Variants in VPS8 observed in about 807,000 individuals in gnomAD.
VPS8 encodes the protein vacuolar protein sorting-associated protein 8 homolog.
Under a neutral mutation model 216.4 loss-of-function variants are expected in VPS8, and 129 were observed. The ratio of observed to expected loss-of-function variants is 0.60; its 90% CI spans 0.52 to 0.69. VPS8 has a LOEUF of 0.69. Ranked by LOEUF, VPS8 falls within the 30% of genes least tolerant of loss-of-function variation. The pLI is 0.00. For missense variants in VPS8, 1,531 were observed against 1,683.5 expected, an observed-to-expected ratio of 0.91 and a Z score of 1.59; for synonymous variants, 571 against 565.4, an observed-to-expected ratio of 1.01 and a Z score of -0.14.
In VPS8 at chr3:185,001,147, T is replaced by C. The variant is rs141760926; in HGVS notation, c.4002+1286T>C. Among the ~76,000 whole-genome samples, 25 of 152,342 alleles carry C rather than the reference T, an allele frequency of 1.6e-4. No homozygotes were observed. The East Asian group carries it at 4.6e-3, about 28-fold the overall frequency. On this transcript the variant is annotated intron_variant, in intron 45 of 47. Coordinates refer to ENST00000625842, the MANE Select transcript of VPS8 (RefSeq NM_001009921.3). Reference sequence around the variant, plus strand: ...TCAGAGTATACAGTCAACAAACTTATAAAAGGATTTTTAACAGAGTACTCT... The same window carrying C: ...TCAGAGTATACAGTCAACAAACTTACAAAAGGATTTTTAACAGAGTACTCT...
At chr3:184,830,072 C>T (rs1362221967) in intron 3 of VPS8, among the ~76,000 whole-genome samples, 1 of 152,010 alleles carries the variant, frequency 6.6e-6, no homozygotes, top group Non-Finnish European at 1.5e-5. Context: ...AAAATTTTTC[C>T]AATTCTGATG....
At chr3:184,948,808 G>A (rs953884855) in intron 36 of VPS8, among the ~76,000 whole-genome samples, 12 of 152,060 alleles carry the variant, frequency 7.9e-5, no homozygotes, top group African/African-American at 2.4e-4. Context: ...CTGAAAATAC[G>A]ACATCCCAGC....
At chr3:184,929,041 T>C (rs1040476083) in intron 32 of VPS8, among the ~76,000 whole-genome samples, 1 of 152,226 alleles carries the variant, frequency 6.6e-6, no homozygotes, top group Non-Finnish European at 1.5e-5. Context: ...ATTGTTTTAG[T>C]ATTTCCTTTG....
At position 184,920,217 on chromosome 3, in the gene VPS8, C is replaced by T. The variant is rs1261005724; in HGVS notation, c.2454+19C>T. 1 of 1,459,358 alleles carries T rather than the reference C, an allele frequency of 6.9e-7. No individual in the cohort carries two copies. The highest frequency in any genetic ancestry group is 9.2e-7 in the Non-Finnish European group (1 of 1,087,220). 90.4% of individuals were successfully genotyped at this position (1,459,358 alleles called of 1,614,324 possible). ...GTTGAAAGTAAGTATTCAAAGAATA[C>T]ATGTCTTTATATTGATATTTATATT... On this transcript the variant is annotated intron_variant, in intron 29 of 47. Transcript: ENST00000625842.
chr3:184,857,626 A>G (rs1162819426), intron 14 of VPS8, among the ~76,000 whole-genome samples: 1 of 152,158 alleles, frequency 6.6e-6, no homozygotes, highest in African/African-American at 2.4e-5. Flanking sequence ...TCTTTTTGCT[A>G]CTTCAAGACT....
Position 184,930,462 on chromosome 3 carries a change from C to G in VPS8, c.2800-8C>G. ...AATGAATAAATTATATTGTCTTGTG[C>G]TCTTCAGGAAGAAGTCTTTAATTAC... On this transcript the variant is annotated splice_polypyrimidine_tract_variant and splice_region_variant and intron_variant, in intron 33 of 47. Coordinates refer to ENST00000625842, the MANE Select transcript of VPS8 (RefSeq NM_001009921.3). 6.3e-7 allele frequency: 1 copy of G among 1,595,012 alleles called. No individual in the cohort carries two copies.
chr3:184,959,024 C>G (rs1047793620), intron 37 of VPS8, among the ~76,000 whole-genome samples: 1 of 152,098 alleles, frequency 6.6e-6, no homozygotes, highest in African/African-American at 2.4e-5. Context: ...CAGAGTAGAC[C>G]TTTAAAAGTC....
intron 3 of VPS8, among the ~76,000 whole-genome samples, chr3:184,831,017 A>C (rs1382506502): frequency 2.6e-5 from 4 of 152,200 alleles, no homozygotes; most frequent in Non-Finnish European, 5.9e-5. Context: ...TAGGAAGAGA[A>C]GATGAGAGCT....
intron 40 of VPS8, among the ~76,000 whole-genome samples, chr3:184,976,005 C>G (rs190308436): frequency 6.6e-6 from 1 of 152,230 alleles, no homozygotes; most frequent in African/African-American, 2.4e-5. Context: ...TCCTCATTCC[C>G]CCTCTTGTAT....
intron 36 of VPS8, among the ~76,000 whole-genome samples, chr3:184,957,110 A>G (rs1223900644): frequency 1.3e-5 from 2 of 152,216 alleles, no homozygotes; most frequent in Admixed American, 6.5e-5. Context: ...AACTTTTGGT[A>G]TGATTTAGAA....
intron 36 of VPS8, among the ~76,000 whole-genome samples, chr3:184,954,312 T>C (rs1745210812): frequency 6.6e-6 from 1 of 152,172 alleles, no homozygotes; most frequent in African/African-American, 2.4e-5. Flanking sequence ...GGCTTTATTA[T>C]GTAGACGTGA....
intron 46 of VPS8, among the ~76,000 whole-genome samples, chr3:185,032,759 G>A (rs1439234930): frequency 3.9e-5 from 6 of 151,948 alleles, no homozygotes; most frequent in Non-Finnish European, 7.4e-5. Flanking sequence ...TCCGCCTCCC[G>A]GGTTCATGGC....
chr3:184,871,308 G>C (rs116536190), intron 21 of VPS8, among the ~76,000 whole-genome samples: 11 of 144,018 alleles, frequency 7.6e-5, no homozygotes, highest in African/African-American at 2.9e-4. Context: ...CAATGTAGAC[G>C]TGTATGTATT....
At chr3:184,948,304 G>T (rs908676239) in intron 36 of VPS8, among the ~76,000 whole-genome samples, 1 of 150,584 alleles carries the variant, frequency 6.6e-6, no homozygotes, top group African/African-American at 2.4e-5. Context: ...TACAGGCCAA[G>T]AATTCAAGAC....
intron 38 of VPS8, among the ~76,000 whole-genome samples, chr3:184,966,180 T>G (rs1747379209): frequency 6.6e-6 from 1 of 151,582 alleles, no homozygotes; most frequent in South Asian, 2.1e-4. Flanking sequence ...AAGAGTGGGG[T>G]TGGGGGAGGA....
At chr3:184,835,964 C>T (rs1721007763) in intron 5 of VPS8, among the ~76,000 whole-genome samples, 1 of 152,104 alleles carries the variant, frequency 6.6e-6, no homozygotes, top group South Asian at 2.1e-4. Context: ...CCGCCTCAGC[C>T]TCCCAAAGTG....
At position 184,940,191 on chromosome 3, in the gene VPS8, G is replaced by A. The variant is rs2109320015; in HGVS notation, c.2989-6G>A. ...TAATTGTAATTTTTATTGTTTTTCTGTTCAGAACCAGGTTTTGCTTTTCAA... is the reference window on the plus strand; with the variant it reads ...TAATTGTAATTTTTATTGTTTTTCTATTCAGAACCAGGTTTTGCTTTTCAA... On this transcript the variant is annotated splice_polypyrimidine_tract_variant and splice_region_variant and intron_variant, in intron 35 of 47. Transcript: ENST00000625842. 1 of 1,483,302 alleles carries A rather than the reference G, an allele frequency of 6.7e-7. No homozygotes were observed. Among genetic ancestry groups the A allele is most frequent in the Non-Finnish European group, 9.0e-7 (1 of 1,106,948 alleles). 91.9% of individuals were successfully genotyped at this position (1,483,302 alleles called of 1,614,324 possible).
At chr3:184,933,522 G>A (rs963928512) in intron 34 of VPS8, among the ~76,000 whole-genome samples, 18 of 125,764 alleles carry the variant, frequency 1.4e-4, no homozygotes, top group Admixed American at 4.5e-4. Flanking sequence ...TTTTCCTTTC[G>A]ATCTTTGTGT....
rs141529753 is a variant in VPS8 at position 185,019,548 on chromosome 3, A to T, written c.4003-4788A>T. On this transcript the variant is annotated intron_variant, in intron 45 of 47. Coordinates refer to ENST00000625842, the MANE Select transcript of VPS8 (RefSeq NM_001009921.3). The stretch of plus-strand genomic sequence containing the variant: ...TAAAGGGATGGGCCGAAATAAAGGG[A>T]TGGGTCTGGCTAGTTATCTGCAACA... Among the ~76,000 whole-genome samples the T allele has an allele frequency of 5.4e-4, 82 of 152,336 alleles. No homozygotes were observed. The East Asian group carries it at 0.014, about 25-fold the overall frequency.
Sources: gnomAD v4.1 joint callset for allele counts (sites outside exome capture counted in the v4.1 genomes callset) on GRCh38, gnomAD v4.1.1 for gene constraint, MANE v1.5 for transcripts, NCBI Gene and HGNC (gene_info 2026-07-23, HGNC 2026-07-21) for gene names.